The following STK32B variants were observed in gnomAD, a reference collection of about 807,000 sequenced individuals.
STK32B encodes the protein serine/threonine-protein kinase 32B.
STK32B carries 43 observed loss-of-function variants against 52.6 expected under a neutral mutation model. That is an observed-to-expected ratio of 0.82 (90% CI 0.64 to 1.05). The LOEUF is 1.05. Ranked by LOEUF, STK32B falls within the 50% of genes least tolerant of loss-of-function variation. The pLI is 0.00. For synonymous variants in STK32B, 238 were observed against 204.3 expected, an observed-to-expected ratio of 1.17 and a Z score of -1.41; for missense variants, 621 against 534.6, an observed-to-expected ratio of 1.16 and a Z score of -1.59.
intron 3 of STK32B, among the ~76,000 whole-genome samples, chr4:5,321,100 G>A (rs1356075954): frequency 1.3e-5 from 2 of 152,008 alleles, no homozygotes; most frequent in Non-Finnish European, 2.9e-5. Flanking sequence ...GAGGGAGGGG[G>A]TTGGAGCAAA....
chr4:5,408,172 A>G (rs757224686), intron 5 of STK32B, among the ~76,000 whole-genome samples: 4 of 152,122 alleles, frequency 2.6e-5, no homozygotes, highest in African/African-American at 4.8e-5. Context: ...AGGGCTGGAA[A>G]GAAGCTAATA....
At chr4:5,128,506 T>C (rs570370246) in intron 1 of STK32B, among the ~76,000 whole-genome samples, 1 of 152,336 alleles carries the variant, frequency 6.6e-6, no homozygotes, top group Admixed American at 6.5e-5. Context: ...TGCTTATAGA[T>C]TCAGTGTTTT....
chr4:5,441,766 CT>C (rs1420838450), intron 6 of STK32B, among the ~76,000 whole-genome samples: 1 of 139,486 alleles, frequency 7.2e-6, no homozygotes, highest in Non-Finnish European at 1.6e-5. Flanking sequence ...CCTCTACACA[CT>C]GCTTTGAATG....
intron 1 of STK32B, among the ~76,000 whole-genome samples, chr4:5,096,760 AC>A (rs1156611834): frequency 6.6e-6 from 1 of 152,074 alleles, no homozygotes; most frequent in Non-Finnish European, 1.5e-5. Flanking sequence ...ACATTCAGAG[AC>A]CCCCAAAGAA....
chr4:5,153,577 A>G (rs1162913261), intron 2 of STK32B, among the ~76,000 whole-genome samples: 1 of 152,088 alleles, frequency 6.6e-6, no homozygotes, highest in Non-Finnish European at 1.5e-5. Context: ...AGCATTTACC[A>G]AAAACATACA....
At chr4:5,446,249 G>A (rs893785885) in intron 6 of STK32B, among the ~76,000 whole-genome samples, 1 of 152,174 alleles carries the variant, frequency 6.6e-6, no homozygotes, top group Non-Finnish European at 1.5e-5. Flanking sequence ...AGTGAAAAAA[G>A]TACAGGTTTT....
intron 2 of STK32B, among the ~76,000 whole-genome samples, chr4:5,167,073 C>G (rs969129695): frequency 1.3e-5 from 2 of 152,170 alleles, no homozygotes; most frequent in Non-Finnish European, 2.9e-5. Context: ...CCCTCCGTTA[C>G]AGGATTCCCT....
At chr4:5,473,348 C>T (rs908846400) in intron 11 of STK32B, among the ~76,000 whole-genome samples, 1 of 152,224 alleles carries the variant, frequency 6.6e-6, no homozygotes, top group Non-Finnish European at 1.5e-5. Context: ...TGAGGGTTCT[C>T]TCCAATGCAC....
chr4:5,387,749 C>T lies in STK32B; in HGVS notation c.435-10458C>T, dbSNP rs140006477. On this transcript the variant is annotated intron_variant, in intron 4 of 11. Transcript: ENST00000282908. Reference sequence around the variant, plus strand: ...TCTGCCACTGTTTTGTTTTTTTATTCGTTTGTTTGTTTTGAGACAGAGTTT... The same window carrying T: ...TCTGCCACTGTTTTGTTTTTTTATTTGTTTGTTTGTTTTGAGACAGAGTTT... 3.6e-3 allele frequency among the ~76,000 whole-genome samples: 547 copies of T among 152,124 alleles called. 2 individuals carry two copies. The highest frequency in any genetic ancestry group is 5.8e-3 in the Non-Finnish European group (393 of 67,974).
At chr4:5,331,858 T>C (rs1008475045) in intron 4 of STK32B, among the ~76,000 whole-genome samples, 4 of 152,352 alleles carry the variant, frequency 2.6e-5, no homozygotes, top group Non-Finnish European at 4.4e-5. Context: ...TCTGAGTTTC[T>C]GTAGCCTCCT....
chr4:5,164,380 T>C (rs1433708023), intron 2 of STK32B, among the ~76,000 whole-genome samples: 3 of 152,186 alleles, frequency 2.0e-5, no homozygotes, highest in African/African-American at 7.2e-5. Flanking sequence ...TCTTCTCTTC[T>C]AAGGACGCTT....
At chr4:5,409,362 C>T (rs1028279994) in intron 5 of STK32B, among the ~76,000 whole-genome samples, 3 of 151,834 alleles carry the variant, frequency 2.0e-5, no homozygotes, top group East Asian at 1.9e-4. Flanking sequence ...GTAGGGAAAG[C>T]GTTGCAAAAA....
At chr4:5,095,489 C>G (rs984477929) in intron 1 of STK32B, among the ~76,000 whole-genome samples, 4 of 152,128 alleles carry the variant, frequency 2.6e-5, no homozygotes, top group African/African-American at 9.7e-5. Context: ...GTGGCACATG[C>G]CTGTAGTCCC....
At chr4:5,254,381 A>G (rs969442510) in intron 3 of STK32B, among the ~76,000 whole-genome samples, 2 of 150,842 alleles carry the variant, frequency 1.3e-5, no homozygotes, top group African/African-American at 4.9e-5. Flanking sequence ...ATTTGTTTTT[A>G]TTTCATTGAT....
intron 6 of STK32B, among the ~76,000 whole-genome samples, chr4:5,439,908 A>T (rs1455247163): frequency 3.9e-5 from 6 of 152,084 alleles, no homozygotes; most frequent in Non-Finnish European, 8.8e-5. Flanking sequence ...AAGATCAGAT[A>T]GTTGTAGATA....
chr4:5,053,975 A>G (rs1741892797), intron 1 of STK32B, among the ~76,000 whole-genome samples: 2 of 146,584 alleles, frequency 1.4e-5, no homozygotes, highest in Admixed American at 1.4e-4. Flanking sequence ...GTGAAGCTCC[A>G]TCTCAAAATA....
chr4:5,357,096 C>G (rs868280648), intron 4 of STK32B, among the ~76,000 whole-genome samples: 1 of 149,184 alleles, frequency 6.7e-6, no homozygotes, highest in Non-Finnish European at 1.5e-5. Flanking sequence ...TATACACACA[C>G]ACACACACAC....
chr4:5,341,780 A>G (rs1204958575), intron 4 of STK32B, among the ~76,000 whole-genome samples: 1 of 152,144 alleles, frequency 6.6e-6, no homozygotes, highest in Non-Finnish European at 1.5e-5. Flanking sequence ...TCATGGTGGA[A>G]GGTAAAGGGG....
chr4:5,232,697 G>A (rs1724354292), intron 3 of STK32B, among the ~76,000 whole-genome samples: 1 of 152,186 alleles, frequency 6.6e-6, no homozygotes, highest in Non-Finnish European at 1.5e-5. Flanking sequence ...ATGTGAAGCT[G>A]GAGATGAAGC....
Sources: allele counts gnomAD v4.1 joint callset (sites outside exome capture counted in the v4.1 genomes callset), GRCh38; gene constraint gnomAD v4.1.1; transcripts MANE v1.5; gene names NCBI Gene and HGNC (gene_info 2026-07-23, HGNC 2026-07-21).